C12orf54: variants seen among roughly 807,000 people sequenced by gnomAD.
C12orf54 encodes the protein uncharacterized protein C12orf54.
Under a neutral mutation model 26.4 loss-of-function variants are expected in C12orf54, and 24 were observed. That is an observed-to-expected ratio of 0.91 (90% CI 0.66 to 1.28). The LOEUF is 1.28. Ranked by LOEUF, C12orf54 falls within the 50% of genes most tolerant of loss-of-function variation. The pLI is 0.00. For missense variants in C12orf54, 154 were observed against 150.9 expected, an observed-to-expected ratio of 1.02 and a Z score of -0.11; for synonymous variants, 54 against 47.0, an observed-to-expected ratio of 1.15 and a Z score of -0.61.
At position 48,483,347 on chromosome 12, in the gene C12orf54, C is replaced by T. The variant is rs1158543569; in HGVS notation, c.51C>T (p.Ser17=). The change falls in exon 2 of 9, where the codon TCC becomes TCT. Residue 17 remains serine (S), a synonymous_variant. Transcript: ENST00000548364. ...AGGAACAAAAGGTAGAAATGACCTC[C>T]AAGCAGCAGAGAAGGTAATGGGGCT... is the stretch of plus-strand genomic sequence containing the variant. ...QDQEQKVEMT[S]KQQRSTSIEE... 7 of 1,613,896 alleles carry T rather than the reference C, an allele frequency of 4.3e-6. No homozygotes were observed. The highest frequency in any genetic ancestry group is 5.9e-6 in the Non-Finnish European group (7 of 1,179,874).
At chr12:48,434,743 A>G in the C12orf54 span, among the ~76,000 whole-genome samples, 2 of 152,232 alleles carry the variant, frequency 1.3e-5, no homozygotes, top group Non-Finnish European at 2.9e-5. Context: ...AAGGACATCC[A>G]CACCAAAAAC....
the C12orf54 span, among the ~76,000 whole-genome samples, chr12:48,455,869 C>A: frequency 2.7e-4 from 41 of 152,190 alleles, no homozygotes; most frequent in East Asian, 7.9e-3. Context: ...TACTCAGTTG[C>A]CTTATTTATA....
the C12orf54 span, among the ~76,000 whole-genome samples, chr12:48,444,628 A>AT: frequency 1.3e-5 from 2 of 151,994 alleles, no homozygotes; most frequent in Non-Finnish European, 2.9e-5. Context: ...GTCATGTCTT[A>AT]TTTTTTTTAA....
the C12orf54 span, chr12:48,442,067 T>G: frequency 6.5e-6 from 1 of 152,876 alleles, no homozygotes; most frequent in African/African-American, 2.4e-5. Flanking sequence ...CACAGCTGCC[T>G]TCACCTCCCT....
the C12orf54 span, chr12:48,473,351 TG>T: frequency 8.8e-7 from 1 of 1,139,480 alleles, no homozygotes; most frequent in Non-Finnish European, 1.3e-6. Flanking sequence ...AAGAGCTTGG[TG>T]AAGAAGAAAG....
At chr12:48,495,749 ATTTT>A (rs1937898490) in intron 8 of C12orf54, among the ~76,000 whole-genome samples, 1 of 152,150 alleles carries the variant, frequency 6.6e-6, no homozygotes, top group South Asian at 2.1e-4. Context: ...GACTCTATGT[ATTTT>A]CTTGAATAGT....
chr12:48,441,629 A>C, the C12orf54 span, among the ~76,000 whole-genome samples: 4 of 152,174 alleles, frequency 2.6e-5, no homozygotes, highest in East Asian at 7.7e-4. Flanking sequence ...GTCTCTTGGA[A>C]GCATATTGAA....
the C12orf54 span, among the ~76,000 whole-genome samples, chr12:48,477,171 A>C: frequency 1.1e-3 from 173 of 152,364 alleles, no homozygotes; most frequent in African/African-American, 3.4e-3. Context: ...AAATGAAGGC[A>C]GAAATAAAGA....
At chr12:48,449,689 A>T in the C12orf54 span, among the ~76,000 whole-genome samples, 1 of 152,230 alleles carries the variant, frequency 6.6e-6, no homozygotes, top group Non-Finnish European at 1.5e-5. Context: ...TGCTTTTCTG[A>T]TCTGTTGAGA....
intron 8 of C12orf54, chr12:48,495,411 G>C (rs1157217786): frequency 6.5e-6 from 1 of 153,926 alleles, no homozygotes; most frequent in East Asian, 1.9e-4. Flanking sequence ...TTAATTCAGT[G>C]TCAAGAGTCA....
the C12orf54 span, among the ~76,000 whole-genome samples, chr12:48,415,252 T>C: frequency 3.9e-5 from 6 of 152,256 alleles, no homozygotes; most frequent in East Asian, 1.2e-3. Flanking sequence ...AACAAATAGC[T>C]CCCTTGACTT....
the C12orf54 span, chr12:48,472,553 C>A: frequency 7.8e-7 from 1 of 1,284,192 alleles, no homozygotes; most frequent in Non-Finnish European, 1.1e-6. Flanking sequence ...TAAGAATTTA[C>A]TTTCGGAGAA....
the C12orf54 span, among the ~76,000 whole-genome samples, chr12:48,414,357 G>A: frequency 1.3e-5 from 2 of 152,196 alleles, no homozygotes; most frequent in African/African-American, 4.8e-5. Flanking sequence ...AAGAACTCAC[G>A]CAGTTCTCCG....
the C12orf54 span, among the ~76,000 whole-genome samples, chr12:48,420,843 C>A: frequency 6.6e-6 from 1 of 152,098 alleles, no homozygotes; most frequent in South Asian, 2.1e-4. Context: ...ATAAAGTCTA[C>A]CTTGCCTGTT....
chr12:48,470,569 C>A, the C12orf54 span, among the ~76,000 whole-genome samples: 7 of 152,080 alleles, frequency 4.6e-5, no homozygotes, highest in East Asian at 3.9e-4. Context: ...GATATTAGAT[C>A]TTTGTCAGAT....
chr12:48,430,936 GTATATAT>G, the C12orf54 span, among the ~76,000 whole-genome samples: 1 of 149,846 alleles, frequency 6.7e-6, no homozygotes, highest in Non-Finnish European at 1.5e-5. Context: ...AGAAACTGTG[GTATATAT>G]ATACGATGGA....
At chr12:48,475,456 G>T in the C12orf54 span, among the ~76,000 whole-genome samples, 3 of 151,276 alleles carry the variant, frequency 2.0e-5, no homozygotes, top group Non-Finnish European at 4.4e-5. Context: ...TGAGCTACAG[G>T]AGGAAACTTG....
At chr12:48,433,906 A>G in the C12orf54 span, among the ~76,000 whole-genome samples, 2 of 152,136 alleles carry the variant, frequency 1.3e-5, no homozygotes, top group Non-Finnish European at 2.9e-5. Flanking sequence ...GGCTTGTTGG[A>G]CAGTGGGTGC....
At chr12:48,423,217 G>C in the C12orf54 span, among the ~76,000 whole-genome samples, 2 of 152,048 alleles carry the variant, frequency 1.3e-5, no homozygotes, top group African/African-American at 4.8e-5. Context: ...GAACTTCTCA[G>C]CCAAGATAAG....
Sources: gnomAD v4.1 joint callset for allele counts (sites outside exome capture counted in the v4.1 genomes callset) on GRCh38, gnomAD v4.1.1 for gene constraint, MANE v1.5 for transcripts, NCBI Gene and HGNC (gene_info 2026-07-23, HGNC 2026-07-21) for gene names.